The following KANK1 variants were observed in gnomAD, a reference collection of about 807,000 sequenced individuals.
The protein encoded by KANK1 is KN motif and ankyrin repeat domains 1, also known as KN motif and ankyrin repeat domain-containing protein 1.
Under a neutral mutation model 106.2 loss-of-function variants are expected in KANK1, and 109 were observed. That is an observed-to-expected ratio of 1.03 (90% CI 0.88 to 1.20). The LOEUF (loss-of-function observed/expected upper bound fraction) is 1.20. Ranked by LOEUF, KANK1 falls within the 50% of genes most tolerant of loss-of-function variation. KANK1 has a pLI of 0.00. For synonymous variants in KANK1, 873 were observed against 652.2 expected (o/e 1.34, Z -5.16); for missense variants, 2,399 against 1,710.7 (o/e 1.40, Z -7.10).
chr9:625,972 ATT>A (rs1834251702), intron 1 of KANK1, among the ~76,000 whole-genome samples: 1 of 151,970 alleles, frequency 6.6e-6, no homozygotes, highest in Non-Finnish European at 1.5e-5. Context: ...CCTGCACTCC[ATT>A]CAACTTTCTG....
At chr9:605,324 A>T (rs1179770426) in intron 1 of KANK1, among the ~76,000 whole-genome samples, 1 of 149,412 alleles carries the variant, frequency 6.7e-6, no homozygotes, top group Non-Finnish European at 1.5e-5. Flanking sequence ...AAAAAAATCT[A>T]ATACTAGCCA....
chr9:585,568 A>G (rs889870421), intron 1 of KANK1, among the ~76,000 whole-genome samples: 1 of 152,246 alleles, frequency 6.6e-6, no homozygotes, highest in Admixed American at 6.5e-5. Flanking sequence ...AAAAACTCTA[A>G]TACAATCCAC....
intron 1 of KANK1, among the ~76,000 whole-genome samples, chr9:514,654 T>C (rs2059201848): frequency 6.6e-6 from 1 of 151,738 alleles, no homozygotes; most frequent in Non-Finnish European, 1.5e-5. Flanking sequence ...CATTGCTGTA[T>C]AGTGTTCCAT....
At chr9:639,362 A>G (rs1014006734) in intron 1 of KANK1, among the ~76,000 whole-genome samples, 44 of 152,100 alleles carry the variant, frequency 2.9e-4, no homozygotes, top group African/African-American at 8.4e-4. Flanking sequence ...GACTCACTCT[A>G]TCACCCGGGC....
intron 3 of KANK1, among the ~76,000 whole-genome samples, chr9:716,501 A>G (rs1827729077): frequency 6.6e-6 from 1 of 152,230 alleles, no homozygotes; most frequent in African/African-American, 2.4e-5. Context: ...TAACCATTGT[A>G]TCAATATAAA....
chr9:698,911 C>A (rs1225706926), intron 2 of KANK1, among the ~76,000 whole-genome samples: 1 of 152,172 alleles, frequency 6.6e-6, no homozygotes, highest in Admixed American at 6.5e-5. Flanking sequence ...TAAAACCCTT[C>A]AATAGCTTAC....
At chr9:706,470 T>C (rs1274811053) in intron 2 of KANK1, among the ~76,000 whole-genome samples, 2 of 152,014 alleles carry the variant, frequency 1.3e-5, no homozygotes, top group Non-Finnish European at 2.9e-5. Flanking sequence ...GGGAAAAGTA[T>C]AGAAAAAGTA....
rs190059937 is a variant in KANK1 at position 620,315 on chromosome 9, C to T, written c.-83-56575C>T. Among the ~76,000 whole-genome samples, 256 of 152,246 alleles carry T rather than the reference C, an allele frequency of 1.7e-3. 1 individual carries two copies. Among genetic ancestry groups the T allele is most frequent in the Admixed American group, 0.013 (200 of 15,288 alleles). On this transcript the variant is annotated intron_variant, in intron 1 of 11. Transcript: ENST00000382297. Reference sequence around the variant, plus strand: ...TTGGAATAGGACATTAACTCTTCAACGATCTGCCCCCTAAATAAAACCTGC... The same window carrying T: ...TTGGAATAGGACATTAACTCTTCAATGATCTGCCCCCTAAATAAAACCTGC...
At chr9:486,435 T>C (rs369097931) in intron 3 of KANK1, among the ~76,000 whole-genome samples, 2 of 152,222 alleles carry the variant, frequency 1.3e-5, no homozygotes, top group East Asian at 3.8e-4. Context: ...TGTATAAATA[T>C]TAACTCATTT....
At chr9:499,647 C>T (rs930480612) in intron 3 of KANK1, among the ~76,000 whole-genome samples, 3 of 152,176 alleles carry the variant, frequency 2.0e-5, no homozygotes, top group Non-Finnish European at 2.9e-5. Context: ...GGGCCTGAGA[C>T]ACCTTAAAAA....
chr9:538,539 A>G (rs926446486), intron 1 of KANK1, among the ~76,000 whole-genome samples: 3 of 152,240 alleles, frequency 2.0e-5, no homozygotes, highest in African/African-American at 7.2e-5. Context: ...ATTGACAGCA[A>G]CTAGTTCAAG....
At chr9:739,171 C>A (rs1221616826) in intron 8 of KANK1, among the ~76,000 whole-genome samples, 1 of 152,132 alleles carries the variant, frequency 6.6e-6, no homozygotes, top group East Asian at 1.9e-4. Flanking sequence ...CAGATGGTAC[C>A]CTCAAGAAAC....
chr9:495,797 T>C (rs2058451174), intron 3 of KANK1, among the ~76,000 whole-genome samples: 1 of 152,152 alleles, frequency 6.6e-6, no homozygotes, highest in African/African-American at 2.4e-5. Flanking sequence ...GTTTGTCTGA[T>C]GAAAAGGCTC....
intron 1 of KANK1, among the ~76,000 whole-genome samples, chr9:508,825 A>T (rs1205509961): frequency 1.4e-5 from 2 of 146,278 alleles, no homozygotes; most frequent in Non-Finnish European, 2.9e-5. Context: ...AGTTTCTTAC[A>T]TGGTAAGTAG....
chr9:729,912 A>C (rs1404454248), intron 3 of KANK1, 139 bp from the exon 4 acceptor site: 2 of 688,076 alleles, frequency 2.9e-6, no homozygotes, highest in Admixed American at 5.7e-5. Flanking sequence ...GGAAAGCTGG[A>C]GCGTCAAAGG....
rs1458892965 is a variant in KANK1, at chr9:504,759, G to A, written c.-84+5G>A. 1.4e-5 allele frequency: 1 copy of A among 70,250 alleles called. No homozygotes were observed. The highest frequency in any genetic ancestry group is 5.5e-5 in the African/African-American group (1 of 18,078). The allele number at this position is 70,250 out of a possible 1,614,324, so 4.4% of individuals were successfully genotyped here. ...GGTTGGGAGGAGCGGCCGAAGGTGAGTGACGCGGCGGGGCCGTGCCGCGCC... is the reference window on the plus strand; with the variant it reads ...GGTTGGGAGGAGCGGCCGAAGGTGAATGACGCGGCGGGGCCGTGCCGCGCC... On this transcript the variant is annotated splice_donor_5th_base_variant and intron_variant, in intron 1 of 11. Coordinates refer to ENST00000382297, the MANE Select transcript of KANK1 (RefSeq NM_015158.5).
rs572168450 is a variant in KANK1, at chr9:541,091, T to A, written c.-84+36337T>A. The stretch of plus-strand genomic sequence containing the variant: ...AACTTCCTTGTAGTGCTGCTTTTGC[T>A]GCATCTCTTAAGTTTTGGTTTGTTG... On this transcript the variant is annotated intron_variant, in intron 1 of 11. Transcript: ENST00000382297. Among the ~76,000 whole-genome samples, 155 of 151,966 alleles carry A rather than the reference T, an allele frequency of 1.0e-3. 1 individual carries two copies. Among genetic ancestry groups the A allele is most frequent in the African/African-American group, 3.4e-3 (143 of 41,450 alleles).
At chr9:653,898 C>A (rs115005640) in intron 1 of KANK1, among the ~76,000 whole-genome samples, 7,458 of 152,182 alleles carry the variant, frequency 0.049, 195 homozygotes, top group Non-Finnish European at 0.058. Context: ...TTATGTAATA[C>A]TTTTTAAAGC....
rs148311515 is a variant in KANK1, at chr9:598,112, C to T, written c.-83-78778C>T. On this transcript the variant is annotated intron_variant, in intron 1 of 11. Transcript: ENST00000382297. ...TATCTAGTTTTCCCAGCACCACTTG[C>T]TGAAGAGACAGTATTTCCCCATTTG... is the stretch of plus-strand genomic sequence containing the variant. Among the ~76,000 whole-genome samples, 554 of 151,870 alleles carry T rather than the reference C, an allele frequency of 3.6e-3. 15 individuals carry two copies. The highest frequency in any genetic ancestry group is 0.012 in the African/African-American group (507 of 41,178).
Sources: allele counts gnomAD v4.1 joint callset (sites outside exome capture counted in the v4.1 genomes callset), GRCh38; gene constraint gnomAD v4.1.1; transcripts MANE v1.5; gene names NCBI Gene and HGNC (gene_info 2026-07-23, HGNC 2026-07-21).